GLIS3: variants seen among roughly 807,000 people sequenced by gnomAD.
GLIS3 encodes zinc finger protein GLIS3.
A neutral mutation model predicts 78.6 loss-of-function variants in GLIS3; 53 were observed. That is an observed-to-expected ratio of 0.67 (90% CI 0.54 to 0.85). The LOEUF is 0.85. GLIS3 is among the 40% of genes least tolerant of loss of function. The probability of loss-of-function intolerance (pLI) is 0.00; values close to 1 mark genes in which losing one functional copy is unlikely to be tolerated. For missense variants in GLIS3, 1,703 were observed against 1,231.1 expected, an observed-to-expected ratio of 1.38 and a Z score of -5.74; for synonymous variants, 684 against 509.9, an observed-to-expected ratio of 1.34 and a Z score of -4.60.
chr9:4,366,353 C>G, the GLIS3 span, among the ~76,000 whole-genome samples: 2 of 152,062 alleles, frequency 1.3e-5, no homozygotes, highest in South Asian at 4.2e-4. Flanking sequence ...TACTTTCAAG[C>G]GAATCCAAGG....
intron 4 of GLIS3, among the ~76,000 whole-genome samples, chr9:4,307,655 T>G (rs1817263171): frequency 6.6e-6 from 1 of 152,186 alleles, no homozygotes; most frequent in African/African-American, 2.4e-5. Context: ...TTAGTTGCCC[T>G]TAAAGTAGGG....
At chr9:3,960,443 C>T (rs1359000405) in intron 4 of GLIS3, among the ~76,000 whole-genome samples, 1 of 152,174 alleles carries the variant, frequency 6.6e-6, no homozygotes, top group African/African-American at 2.4e-5. Context: ...CAGCATTTGC[C>T]ACCATCTGGA....
chr9:3,957,180 C>T (rs1588311886), intron 4 of GLIS3, among the ~76,000 whole-genome samples: 1 of 152,148 alleles, frequency 6.6e-6, no homozygotes, highest in Non-Finnish European at 1.5e-5. Flanking sequence ...AATGGAAAAG[C>T]AGGATAAAAT....
At chr9:3,929,709 A>G (rs2130768209) in intron 6 of GLIS3, among the ~76,000 whole-genome samples, 1 of 152,336 alleles carries the variant, frequency 6.6e-6, no homozygotes, top group African/African-American at 2.4e-5. Context: ...CAACAAAACA[A>G]TTCCCTAGGA....
At chr9:3,993,639 T>G (rs542481431) in intron 4 of GLIS3, among the ~76,000 whole-genome samples, 1 of 152,316 alleles carries the variant, frequency 6.6e-6, no homozygotes, top group African/African-American at 2.4e-5. Context: ...TATGCCATCA[T>G]AAGCATATTT....
At chr9:4,178,425 A>T (rs953781484) in intron 2 of GLIS3, among the ~76,000 whole-genome samples, 1 of 152,176 alleles carries the variant, frequency 6.6e-6, no homozygotes, top group Non-Finnish European at 1.5e-5. Context: ...CTCTTATGGC[A>T]ATGAGATAGG....
At chr9:4,474,983 T>C in the GLIS3 span, among the ~76,000 whole-genome samples, 1 of 142,532 alleles carries the variant, frequency 7.0e-6, no homozygotes, top group African/African-American at 2.7e-5. Flanking sequence ...TGGACTATGT[T>C]AATTTTTTTT....
chr9:4,178,936 GT>G (rs1817040358), intron 2 of GLIS3, among the ~76,000 whole-genome samples: 1 of 152,160 alleles, frequency 6.6e-6, no homozygotes, highest in African/African-American at 2.4e-5. Flanking sequence ...TTATTTTACA[GT>G]TTCTACTAAC....
At chr9:4,338,375 CACACACACACACAT>C (rs960996766) in intron 2 of GLIS3, among the ~76,000 whole-genome samples, 8 of 128,672 alleles carry the variant, frequency 6.2e-5, no homozygotes, top group African/African-American at 1.9e-4. Context: ...TGTACACACA[CACACACACACACAT>C]ACACACACAC....
intron 4 of GLIS3, among the ~76,000 whole-genome samples, chr9:3,968,632 C>T (rs1267278167): frequency 6.6e-6 from 1 of 151,752 alleles, no homozygotes; most frequent in Non-Finnish European, 1.5e-5. Context: ...GTTATTCTTG[C>T]CAATTTCATC....
the GLIS3 span, among the ~76,000 whole-genome samples, chr9:4,365,865 C>T: frequency 6.6e-6 from 1 of 152,226 alleles, no homozygotes; most frequent in Non-Finnish European, 1.5e-5. Flanking sequence ...AAACACAACA[C>T]CCCTCCACCC....
the GLIS3 span, among the ~76,000 whole-genome samples, chr9:4,403,677 G>C: frequency 2.0e-5 from 3 of 152,050 alleles, no homozygotes; most frequent in Non-Finnish European, 2.9e-5. Flanking sequence ...TTATAAAATA[G>C]TATTTGCAAG....
chr9:4,230,337 C>G (rs79408382), intron 2 of GLIS3, among the ~76,000 whole-genome samples: 1,659 of 152,276 alleles, frequency 0.011, 32 homozygotes, highest in African/African-American at 0.037. Context: ...CAACAGAGAA[C>G]TGGACTTGCG....
At chr9:4,238,564 A>C (rs760666493) in intron 2 of GLIS3, among the ~76,000 whole-genome samples, 1 of 152,226 alleles carries the variant, frequency 6.6e-6, no homozygotes, top group Non-Finnish European at 1.5e-5. Context: ...GGCCCGTGTG[A>C]AGCAACCAAA....
chr9:3,951,882 A>G (rs3894124), intron 4 of GLIS3, among the ~76,000 whole-genome samples: 4,056 of 147,466 alleles, frequency 0.028, 57 homozygotes, highest in Middle Eastern at 0.073. Context: ...ACACACACAC[A>G]CACGCACGCA....
chr9:4,444,505 G>C, the GLIS3 span, among the ~76,000 whole-genome samples: 15 of 151,650 alleles, frequency 9.9e-5, 1 homozygote, highest in Admixed American at 9.2e-4. Flanking sequence ...CATTAAGCCA[G>C]ACTTCTGTAA....
the GLIS3 span, among the ~76,000 whole-genome samples, chr9:4,353,848 G>A: frequency 6.6e-6 from 1 of 152,148 alleles, no homozygotes; most frequent in Admixed American, 6.5e-5. Flanking sequence ...CTCCTCTGAA[G>A]AACTGCAGGA....
chr9:4,482,365 G>C, the GLIS3 span, among the ~76,000 whole-genome samples: 1 of 152,160 alleles, frequency 6.6e-6, no homozygotes, highest in African/African-American at 2.4e-5. Context: ...ATGAGTTACA[G>C]TTCTTTTCTT....
chr9:4,451,498 C>T, the GLIS3 span, among the ~76,000 whole-genome samples: 1 of 152,112 alleles, frequency 6.6e-6, no homozygotes, highest in Non-Finnish European at 1.5e-5. Context: ...ACCAAGTGAA[C>T]CTAATAGACA....
Sources: allele counts gnomAD v4.1 joint callset (sites outside exome capture counted in the v4.1 genomes callset), GRCh38; gene constraint gnomAD v4.1.1; transcripts MANE v1.5; gene names NCBI Gene and HGNC (gene_info 2026-07-23, HGNC 2026-07-21).